LRRC37A2: variants seen among roughly 807,000 people sequenced by gnomAD.
LRRC37A2 encodes leucine-rich repeat-containing protein 37A2.
Under a neutral mutation model 68.8 loss-of-function variants are expected in LRRC37A2, and 9 were observed. That is an observed-to-expected ratio of 0.13 (90% CI 0.08 to 0.23). The LOEUF (loss-of-function observed/expected upper bound fraction) is 0.23, where lower values mean the gene tolerates loss of function less well. Among genes scored for constraint, LRRC37A2 ranks in the 10% least tolerant of loss-of-function variants. The probability of loss-of-function intolerance (pLI) is 1.00; values close to 1 mark genes in which losing one functional copy is unlikely to be tolerated. For synonymous variants in LRRC37A2, 63 were observed against 367.6 expected, an observed-to-expected ratio of 0.17 and a Z score of 9.48; for missense variants, 168 against 950.4, an observed-to-expected ratio of 0.18 and a Z score of 10.82.
the LRRC37A2 span, among the ~76,000 whole-genome samples, chr17:46,971,901 G>A: frequency 1.4e-4 from 21 of 152,344 alleles, no homozygotes; most frequent in Middle Eastern, 3.4e-3. Flanking sequence ...CCGGCAAGGG[G>A]GAAGCTTTAG....
chr17:46,924,550 C>T, the LRRC37A2 span: 9 of 152,280 alleles, frequency 5.9e-5, no homozygotes, highest in African/African-American at 2.2e-4. Context: ...ACTCCCAAGG[C>T]CTGGAAATGA....
the LRRC37A2 span, chr17:46,939,342 CAA>C: frequency 2.0e-6 from 2 of 1,009,546 alleles, no homozygotes; most frequent in Admixed American, 5.1e-5. Flanking sequence ...CTAGGGGAAA[CAA>C]GATGTAGTGC....
At chr17:46,552,456 G>A (rs1259258553) in intron 11 of LRRC37A2, 1 of 32,418 alleles carries the variant, frequency 3.1e-5, no homozygotes, top group Non-Finnish European at 5.6e-5. Flanking sequence ...AAATGTGTTC[G>A]TAGAGACAAG....
the LRRC37A2 span, among the ~76,000 whole-genome samples, chr17:47,029,432 G>C: frequency 5.3e-5 from 8 of 152,174 alleles, no homozygotes; most frequent in South Asian, 1.2e-3. Flanking sequence ...GGCCTGAAGG[G>C]GACTCAAGGT....
At chr17:46,609,946 T>G in the LRRC37A2 span, among the ~76,000 whole-genome samples, 1 of 143,830 alleles carries the variant, frequency 7.0e-6, no homozygotes, top group Admixed American at 7.1e-5. Context: ...CTCAGCCCCC[T>G]GAATAACGGG....
At chr17:46,901,090 G>A in the LRRC37A2 span, among the ~76,000 whole-genome samples, 1 of 152,192 alleles carries the variant, frequency 6.6e-6, no homozygotes, top group Admixed American at 6.5e-5. Context: ...AAGATAGGAG[G>A]AAGATGTTTG....
chr17:46,799,575 G>A, the LRRC37A2 span, among the ~76,000 whole-genome samples: 1 of 151,660 alleles, frequency 6.6e-6, no homozygotes, highest in Non-Finnish European at 1.5e-5. Flanking sequence ...AGCCTCCTGA[G>A]TAGCTGGGAT....
chr17:46,894,148 G>A, the LRRC37A2 span, among the ~76,000 whole-genome samples: 1 of 152,176 alleles, frequency 6.6e-6, no homozygotes, highest in Non-Finnish European at 1.5e-5. Context: ...GTTGGGTTGC[G>A]ATGGTATAAC....
downstream of LRRC37A2, among the ~76,000 whole-genome samples, chr17:46,558,128 C>CAG (rs1420270714): frequency 4.7e-5 from 6 of 127,766 alleles, no homozygotes; most frequent in Non-Finnish European, 6.5e-5. Flanking sequence ...GGCACGATCT[C>CAG]AGCTCACTGC....
chr17:46,805,234 C>T, the LRRC37A2 span, among the ~76,000 whole-genome samples: 1 of 151,786 alleles, frequency 6.6e-6, no homozygotes, highest in Non-Finnish European at 1.5e-5. Context: ...TTGTTTGAGT[C>T]CAGTTCAAGC....
chr17:46,958,652 C>A, the LRRC37A2 span, among the ~76,000 whole-genome samples: 38 of 152,330 alleles, frequency 2.5e-4, no homozygotes, highest in African/African-American at 8.2e-4. Flanking sequence ...CAGGGCATCG[C>A]CCTCCCACCA....
chr17:46,499,036 C>T, the LRRC37A2 span, among the ~76,000 whole-genome samples: 1 of 149,360 alleles, frequency 6.7e-6, no homozygotes, highest in African/African-American at 2.6e-5. Flanking sequence ...CTCTATAGGC[C>T]AGGCATGGTG....
chr17:46,840,904 G>T, the LRRC37A2 span, among the ~76,000 whole-genome samples: 1 of 152,112 alleles, frequency 6.6e-6, no homozygotes, highest in Non-Finnish European at 1.5e-5. Flanking sequence ...TTAGCCCTTT[G>T]CAGGCTGTAA....
At chr17:46,491,853 T>C in the LRRC37A2 span, among the ~76,000 whole-genome samples, 1 of 146,772 alleles carries the variant, frequency 6.8e-6, no homozygotes, top group Non-Finnish European at 1.5e-5. Flanking sequence ...ACATATTAAT[T>C]ACAGTAGTGT....
At chr17:46,635,814 T>TGTGTGTGTGTGTGTGTGTGTGCTC in the LRRC37A2 span, among the ~76,000 whole-genome samples, 1 of 141,992 alleles carries the variant, frequency 7.0e-6, no homozygotes, top group African/African-American at 2.6e-5. Flanking sequence ...TGTGTGTGTG[T>TGTGTGTGTGTGTGTGTGTGTGCTC]GTGTGCTCGT....
the LRRC37A2 span, among the ~76,000 whole-genome samples, chr17:46,706,680 TGAATGA>T: frequency 1.3e-4 from 20 of 148,206 alleles, no homozygotes; most frequent in African/African-American, 4.8e-4. Flanking sequence ...TAAGAATTCT[TGAATGA>T]ATTTCTCTTA....
the LRRC37A2 span, among the ~76,000 whole-genome samples, chr17:46,924,862 G>A: frequency 6.6e-6 from 1 of 152,208 alleles, no homozygotes; most frequent in African/African-American, 2.4e-5. Flanking sequence ...GGGCATAGTA[G>A]TGCCTTGAAG....
chr17:46,956,239 C>G, the LRRC37A2 span, among the ~76,000 whole-genome samples: 7 of 146,590 alleles, frequency 4.8e-5, no homozygotes, highest in Non-Finnish European at 9.0e-5. Flanking sequence ...GGGTAGAAAT[C>G]TCTACCCGCC....
the LRRC37A2 span, among the ~76,000 whole-genome samples, chr17:46,812,232 ACCCT>A: frequency 6.6e-6 from 1 of 152,088 alleles, no homozygotes; most frequent in Non-Finnish European, 1.5e-5. Context: ...ATAAAGAAGG[ACCCT>A]GCTTAGAGCC....
Sources: allele counts gnomAD v4.1 joint callset (sites outside exome capture counted in the v4.1 genomes callset), GRCh38; gene constraint gnomAD v4.1.1; transcripts MANE v1.5; gene names NCBI Gene and HGNC (gene_info 2026-07-23, HGNC 2026-07-21).